LRCH3: variants seen among roughly 807,000 people sequenced by gnomAD.
The protein encoded by LRCH3 is leucine rich repeats and calponin homology domain containing 3.
In LRCH3, 68 loss-of-function variants were observed where a neutral mutation model predicts 104.5. The observed-to-expected ratio is 0.65, with a 90% CI of 0.54 to 0.80. LRCH3 has a LOEUF of 0.80. Ranked by LOEUF, LRCH3 falls within the 30% of genes least tolerant of loss-of-function variation. The pLI is 0.00. For missense variants in LRCH3, 951 were observed against 953.9 expected (o/e 1.00, Z 0.04); for synonymous variants, 344 against 361.3 (o/e 0.95, Z 0.54).
chr3:197,832,740 T>C (rs1205504278), intron 8 of LRCH3, among the ~76,000 whole-genome samples: 5 of 151,682 alleles, frequency 3.3e-5, no homozygotes, highest in Non-Finnish European at 7.4e-5. Flanking sequence ...TGTCAGATGC[T>C]CTTCAAAGTC....
At chr3:197,831,065 G>GT (rs1442954589) in intron 7 of LRCH3, 5 of 469,176 alleles carry the variant, frequency 1.1e-5, no homozygotes, top group African/African-American at 2.0e-5. Flanking sequence ...ATTTCCGCCT[G>GT]TTTCCTCATT....
chr3:197,841,836 G>GTTTTGTT (rs1180000532), intron 10 of LRCH3, among the ~76,000 whole-genome samples: 3 of 151,842 alleles, frequency 2.0e-5, no homozygotes, highest in Non-Finnish European at 4.4e-5. Flanking sequence ...GTTTTGTTTT[G>GTTTTGTT]TTTTGTTTTG....
rs755820100 is a variant in LRCH3, at chr3:197,866,183, C to T, written c.1837C>T (p.Leu613Phe). 1 of 1,614,082 alleles carries T rather than the reference C, an allele frequency of 6.2e-7. No individual in the cohort carries two copies. The highest frequency in any genetic ancestry group is 8.5e-7 in the Non-Finnish European group (1 of 1,179,980). Residue 613 changes from leucine to phenylalanine, a missense_variant, in exon 17 of 21, where the codon CTT becomes TTT. Leu to Phe is a conservative substitution (Grantham distance 22, BLOSUM62 0). Coordinates refer to ENST00000425562, the MANE Select transcript of LRCH3 (RefSeq NM_001365715.1). ...RNQPQRPESF[L>F]FRAGVRAETN... ...TCAGCCTCAGCGCCCTGAAAGCTTC[C>T]TTTTCCGAGCAGGTGTCAGGGCAGA...
intron 17 of LRCH3, among the ~76,000 whole-genome samples, chr3:197,867,292 G>A (rs1580868821): frequency 6.6e-6 from 1 of 152,058 alleles, no homozygotes; most frequent in Non-Finnish European, 1.5e-5. Context: ...GGTGGCAGGC[G>A]CCTGTAATCC....
chr3:197,803,756 C>T (rs116466196), intron 1 of LRCH3, among the ~76,000 whole-genome samples: 117 of 152,044 alleles, frequency 7.7e-4, no homozygotes, highest in African/African-American at 2.7e-3. Context: ...ATAGAAGGTT[C>T]GCAGGACCTT....
At chr3:197,815,103 C>T (rs995540877) in intron 2 of LRCH3, 51 bp downstream of exon 2, 9 of 1,111,026 alleles carry the variant, frequency 8.1e-6, no homozygotes, top group Non-Finnish European at 1.1e-5. Context: ...GTGATCTTTT[C>T]GATTTTCCCC....
intron 12 of LRCH3, among the ~76,000 whole-genome samples, chr3:197,851,371 G>A (rs1739570332): frequency 6.6e-6 from 1 of 152,148 alleles, no homozygotes; most frequent in Non-Finnish European, 1.5e-5. Context: ...AGAGACTTCT[G>A]AAAAACTAAT....
intron 20 of LRCH3, among the ~76,000 whole-genome samples, chr3:197,880,091 G>A (rs1015218406): frequency 1.9e-4 from 29 of 151,110 alleles, no homozygotes; most frequent in Middle Eastern, 3.4e-3. Flanking sequence ...GACTACAGGC[G>A]CCCGCCACCA....
chr3:197,883,821 AT>A lies in LRCH3; in HGVS notation c.*159del. ...CAGGAATATTTTGCTTCATTTCTCC[AT>A]TTTAGGGGAGGTTATTTCCATTTCC... On this transcript the variant is annotated 3_prime_UTR_variant, in exon 21 of 21. Transcript: ENST00000425562. The surrounding 1 kb of genome is among the most constrained non-coding windows in gnomAD (Gnocchi z 4.2). The A allele has an allele frequency of 1.4e-6, 1 of 724,534 alleles. No individual in the cohort carries two copies. Among genetic ancestry groups the A allele is most frequent in the Non-Finnish European group, 2.0e-6 (1 of 505,652 alleles). The allele number at this position is 724,534 out of a possible 1,614,324, so 44.9% of individuals were successfully genotyped here. A position where few individuals can be genotyped will look rare whatever the true frequency, so the allele number is the denominator to read the frequency against.
intron 5 of LRCH3, among the ~76,000 whole-genome samples, chr3:197,827,906 G>A (rs1014761706): frequency 1.3e-5 from 2 of 151,786 alleles, no homozygotes; most frequent in East Asian, 1.9e-4. Context: ...GTGAAACCTT[G>A]TCTCTACTAA....
chr3:197,804,248 C>G (rs1732221345), intron 1 of LRCH3, among the ~76,000 whole-genome samples: 1 of 151,466 alleles, frequency 6.6e-6, no homozygotes, highest in South Asian at 2.1e-4. Flanking sequence ...AGCGTAAGAC[C>G]CTGTCTCAAA....
intron 1 of LRCH3, among the ~76,000 whole-genome samples, chr3:197,794,759 C>A (rs1731000124): frequency 6.6e-6 from 1 of 152,204 alleles, no homozygotes; most frequent in African/African-American, 2.4e-5. Flanking sequence ...AATCCCAGCA[C>A]TTTGGGAGGC....
chr3:197,836,424 A>G (rs1400963473), intron 9 of LRCH3, among the ~76,000 whole-genome samples: 1 of 145,484 alleles, frequency 6.9e-6, no homozygotes, highest in Admixed American at 6.7e-5. Flanking sequence ...AGGGTCTCAG[A>G]TAGAATAGCA....
chr3:197,805,560 G>A (rs1486387923), intron 1 of LRCH3, among the ~76,000 whole-genome samples: 2 of 150,166 alleles, frequency 1.3e-5, no homozygotes, highest in East Asian at 2.0e-4. Context: ...AGGGGGACAC[G>A]CCTCCAAACT....
At chr3:197,803,936 T>C (rs150942870) in intron 1 of LRCH3, among the ~76,000 whole-genome samples, 1 of 152,220 alleles carries the variant, frequency 6.6e-6, no homozygotes, top group African/African-American at 2.4e-5. Flanking sequence ...GGCGACCAAA[T>C]TGAATACTTT....
intron 20 of LRCH3, chr3:197,882,530 A>T (rs868774262): frequency 1.1e-6 from 1 of 943,130 alleles, no homozygotes; most frequent in Admixed American, 6.2e-5. Flanking sequence ...AACAAAAAAC[A>T]AAAAACAAAA....
In LRCH3 at chr3:197,791,351, C is replaced by G; in HGVS notation, c.73C>G (p.Leu25Val). The part of the protein sequence containing the change: ...YSGTVASGGN[L>V]PGVHCGPSSG... ...TGGCACGGTAGCGTCGGGAGGTAACCTCCCTGGTGTTCACTGCGGCCCAAG... is the reference window on the plus strand; with the variant it reads ...TGGCACGGTAGCGTCGGGAGGTAACGTCCCTGGTGTTCACTGCGGCCCAAG... The change falls in exon 1 of 21, where the codon CTC becomes GTC. Residue 25 changes from leucine to valine, a missense_variant. Leu to Val is a conservative substitution (Grantham distance 32). Coordinates refer to ENST00000425562, the MANE Select transcript of LRCH3 (RefSeq NM_001365715.1). The G allele has an allele frequency of 6.2e-7, 1 of 1,606,752 alleles. No homozygotes were observed. Among genetic ancestry groups the G allele is most frequent in the Non-Finnish European group, 8.5e-7 (1 of 1,177,798 alleles).
chr3:197,858,883 C>CTTCT lies in LRCH3; in HGVS notation c.1695_1698dup (p.Ala567PhefsTer7). The CTTCT allele has an allele frequency of 6.2e-7, 1 of 1,613,856 alleles. No homozygotes were observed. Among genetic ancestry groups the CTTCT allele is most frequent in the Non-Finnish European group, 8.5e-7 (1 of 1,179,738 alleles). On this transcript the variant is annotated frameshift_variant, in exon 15 of 21. Coordinates refer to ENST00000425562, the MANE Select transcript of LRCH3 (RefSeq NM_001365715.1). LOFTEE classifies it high-confidence loss of function. ...GGCTGTGCTGCTACCCTGCCTCATT[C>CTTCT]TTCTGCCTTCACGCCTCTTAAGGTA...
At chr3:197,862,313 C>T (rs1740980163) in intron 15 of LRCH3, among the ~76,000 whole-genome samples, 1 of 152,094 alleles carries the variant, frequency 6.6e-6, no homozygotes, top group Admixed American at 6.6e-5. Flanking sequence ...TGTTTCAAAC[C>T]GAAGGAGAGA....
Sources: allele counts gnomAD v4.1 joint callset (sites outside exome capture counted in the v4.1 genomes callset), GRCh38; gene constraint gnomAD v4.1.1; non-coding constraint Gnocchi (gnomAD v3.1); transcripts MANE v1.5; gene names NCBI Gene and HGNC (gene_info 2026-07-23, HGNC 2026-07-21).